WTIP: variants seen among roughly 807,000 people sequenced by gnomAD.
The protein encoded by WTIP is WT1 interacting protein, also known as Wilms tumor protein 1-interacting protein.
In WTIP, 23 loss-of-function variants were observed where a neutral mutation model predicts 41.7. That is an observed-to-expected ratio of 0.55 (90% CI 0.40 to 0.78). The LOEUF is 0.78. WTIP is among the 30% of genes least tolerant of loss of function. The pLI is 0.00. For synonymous variants in WTIP, 314 were observed against 269.9 expected, an observed-to-expected ratio of 1.16 and a Z score of -1.60; for missense variants, 619 against 610.5, an observed-to-expected ratio of 1.01 and a Z score of -0.15.
rs2075769520 is a variant in WTIP at position 34,482,046 on chromosome 19, G to T, written c.72G>T (p.Glu24Asp). The stretch of plus-strand genomic sequence containing the variant: ...CCGGGCTGGCCCTGCGGGAGCTGGA[G>T]CCCGGGTGCGGCTCTCCCGGTCGGG... ...LLAGLALREL[E>D]PGCGSPGRGR... The change falls in exon 1 of 8, where the codon GAG (glutamate) becomes GAT (aspartate). Residue 24 changes from glutamate to aspartate, a missense_variant. Coordinates refer to ENST00000590071, the MANE Select transcript of WTIP (RefSeq NM_001080436.2). 1.9e-6 allele frequency: 2 copies of T among 1,032,362 alleles called. No individual in the cohort carries two copies. The highest frequency in any genetic ancestry group is 2.3e-6 in the Non-Finnish European group (2 of 861,628). 64.0% of individuals were successfully genotyped at this position (1,032,362 alleles called of 1,614,324 possible). A position where few individuals can be genotyped will look rare whatever the true frequency, so the allele number is the denominator to read the frequency against.
At chr19:34,483,561 C>G (rs1040448204) in intron 1 of WTIP, among the ~76,000 whole-genome samples, 5 of 152,172 alleles carry the variant, frequency 3.3e-5, no homozygotes, top group African/African-American at 1.2e-4. Context: ...GAGAGGGGAA[C>G]CGTGCCAGTC....
intron 1 of WTIP, among the ~76,000 whole-genome samples, chr19:34,488,430 A>G (rs2075808665): frequency 6.6e-6 from 1 of 151,530 alleles, no homozygotes; most frequent in Non-Finnish European, 1.5e-5. Flanking sequence ...CAGTGACATG[A>G]TCATAGCTCA....
At chr19:34,492,315 A>G (rs369425090) in intron 2 of WTIP, among the ~76,000 whole-genome samples, 15 of 147,132 alleles carry the variant, frequency 1.0e-4, no homozygotes, top group African/African-American at 3.0e-4. Context: ...GGGTCTTGCT[A>G]TGTTGCCCAG....
chr19:34,492,639 A>C (rs1042289678), intron 2 of WTIP, among the ~76,000 whole-genome samples: 35 of 150,296 alleles, frequency 2.3e-4, no homozygotes, highest in Non-Finnish European at 4.7e-4. Context: ...CAGTGAGCCA[A>C]GATCACGCCA....
rs1448404831 is a variant in WTIP, at chr19:34,494,633, C to T, written c.1079C>T (p.Ala360Val). Residue 360 changes from alanine to valine, a missense_variant, in exon 6 of 8, where the codon GCA (alanine) becomes GTA (valine). Ala to Val is a moderately conservative substitution (Grantham distance 64). Coordinates refer to ENST00000590071, the MANE Select transcript of WTIP (RefSeq NM_001080436.2). ...CASCARPILP[A>V]QGCETTIRVV... The stretch of plus-strand genomic sequence containing the variant: ...TCCTGTGCCCGTCCTATCCTCCCTG[C>T]ACAGGTAGGAGCCACTCACCCAGAG... The T allele has an allele frequency of 3.7e-6, 6 of 1,613,306 alleles. No homozygotes were observed. The East Asian group carries it at 8.9e-5, about 24-fold the overall frequency.
chr19:34,500,462 G>A lies in WTIP; in HGVS notation c.*193G>A, dbSNP rs2075879214. 5.2e-6 allele frequency: 4 copies of A among 771,894 alleles called. No homozygotes were observed. The East Asian group carries it at 1.2e-4, about 22-fold the overall frequency. 47.8% of individuals were successfully genotyped at this position (771,894 alleles called of 1,614,324 possible). On this transcript the variant is annotated 3_prime_UTR_variant, in exon 8 of 8. Coordinates refer to ENST00000590071, the MANE Select transcript of WTIP (RefSeq NM_001080436.2). ...GTGCCTGCTCAAGTCACTTCCCTGC[G>A]GGCCCTGCCTCCCACCCACCCCATC...
Position 34,495,691 on chromosome 19 carries a change from C to T in WTIP, c.1084-12C>T, listed in dbSNP as rs1334144765. On this transcript the variant is annotated splice_polypyrimidine_tract_variant and intron_variant, in intron 6 of 7. Coordinates refer to ENST00000590071, the MANE Select transcript of WTIP (RefSeq NM_001080436.2). ...CATGCTCATCGTGTGTGAACTCCTTCTCTTCCTCCAGGGCTGCGAGACAAC... is the reference window on the plus strand; with the variant it reads ...CATGCTCATCGTGTGTGAACTCCTTTTCTTCCTCCAGGGCTGCGAGACAAC... The T allele has an allele frequency of 3.7e-6, 6 of 1,613,670 alleles. No homozygotes were observed. The highest frequency in any genetic ancestry group is 4.2e-6 in the Non-Finnish European group (5 of 1,179,848).
chr19:34,499,930 C>T (rs927427338), intron 7 of WTIP, among the ~76,000 whole-genome samples, 199 bp from the exon 8 acceptor site: 4 of 151,984 alleles, frequency 2.6e-5, no homozygotes, highest in African/African-American at 9.7e-5. Flanking sequence ...AACTCCTGAC[C>T]GAAGCGATGA....
At chr19:34,483,358 C>T (rs908987276) in intron 1 of WTIP, among the ~76,000 whole-genome samples, 4 of 152,060 alleles carry the variant, frequency 2.6e-5, no homozygotes, top group African/African-American at 7.2e-5. Flanking sequence ...TGCTCTCATT[C>T]TATCTGATCC....
chr19:34,490,104 C>T (rs898960674), intron 1 of WTIP, among the ~76,000 whole-genome samples: 2 of 152,316 alleles, frequency 1.3e-5, no homozygotes, highest in East Asian at 3.9e-4. Context: ...AAGAATCTAT[C>T]AGAACAGTTG....
At chr19:34,497,833 A>G (rs2145608626) in intron 7 of WTIP, among the ~76,000 whole-genome samples, 1 of 152,292 alleles carries the variant, frequency 6.6e-6, no homozygotes, top group Middle Eastern at 3.4e-3. Context: ...CTCCAGCCCT[A>G]ACAGGACCTC....
At chr19:34,492,794 A>G (rs1446886239) in intron 2 of WTIP, among the ~76,000 whole-genome samples, 1 of 152,154 alleles carries the variant, frequency 6.6e-6, no homozygotes, top group Non-Finnish European at 1.5e-5. Flanking sequence ...CATGAGCAAA[A>G]TATTTATTCA....
intron 1 of WTIP, among the ~76,000 whole-genome samples, chr19:34,487,309 C>T (rs2075802940): frequency 6.6e-6 from 1 of 152,030 alleles, no homozygotes; most frequent in Non-Finnish European, 1.5e-5. Context: ...ACCATGTTGG[C>T]CAGGCTGGTC....
rs2075772503 is a variant in WTIP at position 34,482,422 on chromosome 19, C to G, written c.448C>G (p.Arg150Gly). Residue 150 changes from arginine (R) to glycine (G), a missense_variant, in exon 1 of 8, where the codon CGG (arginine) becomes GGG (glycine). Coordinates refer to ENST00000590071, the MANE Select transcript of WTIP (RefSeq NM_001080436.2). Reference protein sequence around the residue: ...ARSSVSSLGSRGSAGAYADFL... With the variant: ...ARSSVSSLGSGGSAGAYADFL... ...CTCCAGCGTTTCCAGCCTCGGCTCCCGGGGCTCGGCCGGCGCCTACGCTGA... is the reference window on the plus strand; with the variant it reads ...CTCCAGCGTTTCCAGCCTCGGCTCCGGGGGCTCGGCCGGCGCCTACGCTGA... The G allele has an allele frequency of 7.4e-7, 1 of 1,350,588 alleles. No homozygotes were observed. The highest frequency in any genetic ancestry group is 9.5e-7 in the Non-Finnish European group (1 of 1,050,062). The allele number at this position is 1,350,588 out of a possible 1,614,324, so 83.7% of individuals were successfully genotyped here. A position where few individuals can be genotyped will look rare whatever the true frequency, so the allele number is the denominator to read the frequency against.
intron 1 of WTIP, among the ~76,000 whole-genome samples, chr19:34,484,818 A>T (rs1315617347): frequency 6.6e-6 from 1 of 151,502 alleles, no homozygotes; most frequent in African/African-American, 2.4e-5. Flanking sequence ...TAATCCCAGC[A>T]CTTTGGGAGG....
intron 6 of WTIP, 25 bp from the exon 7 acceptor site, chr19:34,495,678 G>T (rs1247093080): frequency 6.2e-7 from 1 of 1,613,164 alleles, no homozygotes; most frequent in East Asian, 2.2e-5. Context: ...TGCTCATCGT[G>T]TGTGAACTCC....
At position 34,493,610 on chromosome 19, in the gene WTIP, G is replaced by GA; in HGVS notation, c.1020dup (p.Asp341ArgfsTer44). Reference sequence around the variant, plus strand: ...GTGGAGAACAACATCTACTGCGTGCGAGACTATCACACGTGAGTTGCTGGT... The same window carrying GA: ...GTGGAGAACAACATCTACTGCGTGCGAAGACTATCACACGTGAGTTGCTGGT... On this transcript the variant is annotated frameshift_variant, in exon 5 of 8. Transcript: ENST00000590071. LOFTEE classifies it high-confidence loss of function. The surrounding 1 kb of genome is among the most constrained non-coding windows in gnomAD (Gnocchi z 4.1). 6.2e-7 allele frequency: 1 copy of GA among 1,613,434 alleles called. No homozygotes were observed. Among genetic ancestry groups the GA allele is most frequent in the Non-Finnish European group, 8.5e-7 (1 of 1,179,894 alleles).
Position 34,491,163 on chromosome 19 carries a change from A to G in WTIP, c.769+686A>G, listed in dbSNP as rs115472918. On this transcript the variant is annotated intron_variant, in intron 2 of 7. Coordinates refer to ENST00000590071, the MANE Select transcript of WTIP (RefSeq NM_001080436.2). ...TTTTGATCATAATTTTACACCCAAC[A>G]TAAACTATAAGTGTTATAGTTTAAC... Among the ~76,000 whole-genome samples, 488 of 152,088 alleles carry G rather than the reference A, an allele frequency of 3.2e-3. 4 individuals are homozygous for G. The highest frequency in any genetic ancestry group is 0.011 in the African/African-American group (473 of 41,466).
At chr19:34,494,301 C>A (rs1016859568) in intron 5 of WTIP, among the ~76,000 whole-genome samples, 2 of 152,008 alleles carry the variant, frequency 1.3e-5, no homozygotes, top group African/African-American at 4.8e-5. Context: ...TGCCTGTAAT[C>A]CCAGCACTTT....
Sources: allele counts gnomAD v4.1 joint callset (sites outside exome capture counted in the v4.1 genomes callset), GRCh38; gene constraint gnomAD v4.1.1; non-coding constraint Gnocchi (gnomAD v3.1); transcripts MANE v1.5; gene names NCBI Gene and HGNC (gene_info 2026-07-23, HGNC 2026-07-21).